Variants in MELTF observed in about 807,000 individuals in gnomAD.
MELTF encodes the protein melanotransferrin.
MELTF carries 67 observed loss-of-function variants against 83.7 expected under a neutral mutation model. The ratio of observed to expected loss-of-function variants is 0.80; its 90% CI spans 0.66 to 0.98. The LOEUF (loss-of-function observed/expected upper bound fraction) is 0.98, where lower values mean the gene tolerates loss of function less well. Ranked by LOEUF, MELTF falls within the 50% of genes least tolerant of loss-of-function variation. The pLI is 0.00. For missense variants in MELTF, 1,002 were observed against 1,035.6 expected, an observed-to-expected ratio of 0.97 and a Z score of 0.44; for synonymous variants, 462 against 447.6, an observed-to-expected ratio of 1.03 and a Z score of -0.41.
At chr3:197,012,875 A>T (rs1273845818) in intron 9 of MELTF, among the ~76,000 whole-genome samples, 1 of 152,254 alleles carries the variant, frequency 6.6e-6, no homozygotes, top group Non-Finnish European at 1.5e-5. Context: ...ATTAGAATAG[A>T]ATACATTAGA....
At chr3:197,018,414 G>A (rs1719488526) in intron 6 of MELTF, among the ~76,000 whole-genome samples, 1 of 151,628 alleles carries the variant, frequency 6.6e-6, no homozygotes, top group African/African-American at 2.4e-5. Context: ...GCCTCCCAAA[G>A]TGCTGGGATT....
At chr3:197,016,141 A>G in intron 8 of MELTF, 48 bp downstream of exon 8, 1 of 1,442,256 alleles carries the variant, frequency 6.9e-7, no homozygotes, top group South Asian at 1.5e-5. Flanking sequence ...GCCATGCCCG[A>G]GGTTGAGCTG....
chr3:197,017,096 A>C lies in MELTF; in HGVS notation c.900+7T>G. 1.9e-6 allele frequency: 3 copies of C among 1,610,166 alleles called. No homozygotes were observed. The highest frequency in any genetic ancestry group is 2.5e-6 in the Non-Finnish European group (3 of 1,179,086). On this transcript the variant is annotated splice_region_variant and intron_variant, in intron 7 of 15. Transcript: ENST00000296350. ...CTGTGCAGGTGGTTGGGGGACCCTG[A>C]GCCCACCTGGCCTTCGTTGAGCAGC...
intron 9 of MELTF, among the ~76,000 whole-genome samples, chr3:197,012,019 A>C (rs1332990161): frequency 6.6e-6 from 1 of 151,342 alleles, no homozygotes; most frequent in Non-Finnish European, 1.5e-5. Flanking sequence ...GGAAATAAAG[A>C]CCCTCCCAAC....
chr3:197,017,151 C>A lies in MELTF; in HGVS notation c.852G>T (p.Arg284=). ...ARVPAHAVVV[R]ADTDGGLIFR... Reference sequence around the variant, plus strand: ...AGATGAGGCCCCCATCTGTGTCGGCCCGGACCACCACGGCGTGAGCAGGCA... The same window carrying A: ...AGATGAGGCCCCCATCTGTGTCGGCACGGACCACCACGGCGTGAGCAGGCA... The change falls in exon 7 of 16, where the codon CGG becomes CGT. Residue 284 remains arginine, a synonymous_variant. Transcript: ENST00000296350. The A allele has an allele frequency of 6.2e-7, 1 of 1,612,000 alleles. No homozygotes were observed. The highest frequency in any genetic ancestry group is 1.1e-5 in the South Asian group (1 of 90,354).
At position 197,008,843 on chromosome 3, in the gene MELTF, G is replaced by C. The variant is rs759388817; in HGVS notation, c.1648C>G (p.Gln550Glu). 6.2e-6 allele frequency: 10 copies of C among 1,614,190 alleles called. No homozygotes were observed. The South Asian group carries it at 8.8e-5, about 14-fold the overall frequency. ...QGRNKCVGNS[Q>E]ERYYGYRGAF... is the part of the protein sequence containing the mutation. ...CCGCGGTAGCCGTAATACCGCTCCT[G>C]GCTGTTGCCCACACACTTGTTGCGG... Residue 550 changes from glutamine (Q) to glutamate (E), a missense_variant, in exon 12 of 16, where the codon CAG (glutamine) becomes GAG (glutamate). Coordinates refer to ENST00000296350, the MANE Select transcript of MELTF (RefSeq NM_005929.6). This position sits in a 1 kb window ranked among gnomAD's most constrained non-coding sequence, Gnocchi z 5.4.
At chr3:197,023,774 A>C (rs910647844) in intron 4 of MELTF, 1 of 452,838 alleles carries the variant, frequency 2.2e-6, no homozygotes, top group African/African-American at 2.0e-5. Flanking sequence ...AAATATGCCA[A>C]GTGCCTGGTG....
chr3:197,019,907 T>A, intron 6 of MELTF: 1 of 1,417,714 alleles, frequency 7.1e-7, no homozygotes, highest in South Asian at 1.6e-5. Flanking sequence ...GACAGAACGG[T>A]GTGTTTGCTG....
Position 197,003,525 on chromosome 3 carries a change from G to GGGGGTA in MELTF, c.2138-75_2138-74insTACCCC. On this transcript the variant is annotated intron_variant, in intron 15 of 15. Transcript: ENST00000296350. This position sits in a 1 kb window ranked among gnomAD's most constrained non-coding sequence, Gnocchi z 6.2. ...CCGCCTCAGGCGCCCGCTCTGGGGT[G>GGGGGTA]GGGGTGGGGGCATCTTTCGGGACCG... 1 of 809,744 alleles carries GGGGGTA rather than the reference G, an allele frequency of 1.2e-6. No individual in the cohort carries two copies. Among genetic ancestry groups the GGGGGTA allele is most frequent in the Non-Finnish European group, 1.6e-6 (1 of 632,738 alleles). The allele number at this position is 809,744 out of a possible 1,614,324, so 50.2% of individuals were successfully genotyped here. A position where few individuals can be genotyped will look rare whatever the true frequency, so the allele number is the denominator to read the frequency against.
Position 197,006,476 on chromosome 3 carries a change from G to A in MELTF, c.1938+73C>T. ...TTTCTCTAGAGGTCTGCTCCAGGTA[G>A]ACTGAGGCCTCCCAGGGGCTCAGCT... On this transcript the variant is annotated intron_variant, in intron 14 of 15. Coordinates refer to ENST00000296350, the MANE Select transcript of MELTF (RefSeq NM_005929.6). The surrounding 1 kb of genome is among the most constrained non-coding windows in gnomAD (Gnocchi z 5.4). 7.2e-7 allele frequency: 1 copy of A among 1,395,904 alleles called. No homozygotes were observed. Among genetic ancestry groups the A allele is most frequent in the African/African-American group, 1.5e-5 (1 of 68,846 alleles). 86.5% of individuals were successfully genotyped at this position (1,395,904 alleles called of 1,614,324 possible).
At position 197,009,722 on chromosome 3, in the gene MELTF, C is replaced by T. The variant is rs576043141; in HGVS notation, c.1421G>A (p.Arg474His). ...GCTGCCGAAACCGGCGTGGCAGGAG[C>T]GCTTGCCCCGAAGCTCATCCAAGGT... The part of the protein sequence containing the change: ...AFTLDELRGK[R>H]SCHAGFGSPA... The change falls in exon 11 of 16, where the codon CGC (arginine) becomes CAC (histidine). Residue 474 changes from arginine to histidine, a missense_variant. Arg to His is a conservative substitution (Grantham distance 29). Transcript: ENST00000296350. 4.3e-5 allele frequency: 69 copies of T among 1,613,588 alleles called. No homozygotes were observed. In the South Asian group the frequency reaches 5.5e-4, roughly 13 times the overall value.
intron 6 of MELTF, among the ~76,000 whole-genome samples, chr3:197,019,987 T>A (rs563296701): frequency 5.6e-4 from 86 of 152,258 alleles, no homozygotes; most frequent in African/African-American, 1.9e-3. Context: ...GTCTGCCCCA[T>A]CAAGATCTCG....
intron 3 of MELTF, 73 bp downstream of exon 3, chr3:197,026,587 G>A: frequency 7.1e-7 from 1 of 1,401,084 alleles, no homozygotes; most frequent in Non-Finnish European, 1.0e-6. Flanking sequence ...CTCAGGCCAG[G>A]CCCAGCAAGG....
intron 5 of MELTF, 76 bp from the exon 6 acceptor site, chr3:197,021,547 T>G (rs1473269717): frequency 1.7e-5 from 25 of 1,448,474 alleles, no homozygotes; most frequent in Non-Finnish European, 2.0e-5. Context: ...GAGGCCTGGC[T>G]TGGGCTGTAG....
chr3:197,027,170 C>G (rs1253542373), intron 2 of MELTF: 1 of 215,434 alleles, frequency 4.6e-6, no homozygotes, highest in Admixed American at 5.1e-5. Context: ...GGAGCCTGAC[C>G]CACAGCCTTG....
At chr3:197,015,608 C>T in intron 8 of MELTF, 92 bp from the exon 9 acceptor site, 1 of 1,374,784 alleles carries the variant, frequency 7.3e-7, no homozygotes, top group Non-Finnish European at 9.9e-7. Flanking sequence ...GGCCTTTCTC[C>T]TGTCAGGTGT....
Position 197,003,813 on chromosome 3 carries a change from G to T in MELTF, c.2137+88C>A. On this transcript the variant is annotated intron_variant, in intron 15 of 15. Coordinates refer to ENST00000296350, the MANE Select transcript of MELTF (RefSeq NM_005929.6). This position sits in a 1 kb window ranked among gnomAD's most constrained non-coding sequence, Gnocchi z 6.2. ...GAACGGGCCTCCACCCGCCTCCCCG[G>T]ACCCGCAGCGCCCCCCGCTCCCTCA... 1 of 1,429,674 alleles carries T rather than the reference G, an allele frequency of 7.0e-7. No homozygotes were observed. The highest frequency in any genetic ancestry group is 9.5e-7 in the Non-Finnish European group (1 of 1,047,340). 88.6% of individuals were successfully genotyped at this position (1,429,674 alleles called of 1,614,324 possible).
rs1718832968 is a variant in MELTF at position 197,003,394 on chromosome 3, C to T, written c.2195G>A (p.Arg732His). The T allele has an allele frequency of 9.4e-7, 1 of 1,058,872 alleles. No homozygotes were observed. Among genetic ancestry groups the T allele is most frequent in the Admixed American group, 5.5e-5 (1 of 18,184 alleles). The allele number at this position is 1,058,872 out of a possible 1,614,324, so 65.6% of individuals were successfully genotyped here. The change falls in exon 16 of 16, where the codon CGC (arginine) becomes CAC (histidine). Residue 732 changes from arginine to histidine, a missense_variant. Transcript: ENST00000296350. The surrounding 1 kb of genome is among the most constrained non-coding windows in gnomAD (Gnocchi z 6.2). ...LPLLLPALAA[R>H]LLPPAL is the part of the protein sequence containing the mutation. ...GGCTCAGAGGGCGGGCGGGAGCAGG[C>T]GGGCGGCGAGGGCGGGCAGCAGCAG...
intron 2 of MELTF, among the ~76,000 whole-genome samples, chr3:197,027,517 C>A (rs1054637312): frequency 4.6e-5 from 7 of 152,262 alleles, no homozygotes. Flanking sequence ...GGAAGGGAAG[C>A]CTCTCAGGTG....
Sources: gnomAD v4.1 joint callset for allele counts (sites outside exome capture counted in the v4.1 genomes callset) on GRCh38, gnomAD v4.1.1 for gene constraint, Gnocchi (gnomAD v3.1) non-coding constraint, MANE v1.5 for transcripts, NCBI Gene and HGNC (gene_info 2026-07-23, HGNC 2026-07-21) for gene names.